Variants in ERBB4 observed in about 807,000 individuals in gnomAD.
ERBB4 encodes receptor tyrosine-protein kinase erbB-4.
ERBB4 carries 42 observed loss-of-function variants against 158.0 expected under a neutral mutation model. That is an observed-to-expected ratio of 0.27 (90% CI 0.21 to 0.34). The LOEUF is 0.34. Ranked by LOEUF, ERBB4 falls within the 10% of genes least tolerant of loss-of-function variation. The probability of loss-of-function intolerance (pLI) is 1.00; values close to 1 mark genes in which losing one functional copy is unlikely to be tolerated. For synonymous variants in ERBB4, 583 were observed against 558.7 expected (o/e 1.04, Z -0.61); for missense variants, 1,333 against 1,624.1 (o/e 0.82, Z 3.08).
At chr2:211,518,428 G>A (rs2066096639) in intron 20 of ERBB4, among the ~76,000 whole-genome samples, 1 of 152,036 alleles carries the variant, frequency 6.6e-6, no homozygotes, top group Non-Finnish European at 1.5e-5. Context: ...GGCCAAGGCG[G>A]GCAGATCACA....
intron 1 of ERBB4, among the ~76,000 whole-genome samples, chr2:212,260,179 T>G (rs1252497277): frequency 6.6e-6 from 1 of 152,074 alleles, no homozygotes; most frequent in Non-Finnish European, 1.5e-5. Flanking sequence ...AAAATAAAAT[T>G]TTTACTTGTT....
chr2:212,160,463 T>A (rs1432347633), intron 1 of ERBB4, among the ~76,000 whole-genome samples: 2 of 152,028 alleles, frequency 1.3e-5, no homozygotes, highest in Admixed American at 1.3e-4. Flanking sequence ...AAAACCTTTT[T>A]TTAAAATCTG....
chr2:211,935,355 A>G (rs1413373560), intron 3 of ERBB4, among the ~76,000 whole-genome samples: 1 of 152,168 alleles, frequency 6.6e-6, no homozygotes, highest in Admixed American at 6.5e-5. Flanking sequence ...TTAAGTAGGT[A>G]AGATATGCTC....
chr2:211,513,314 G>T (rs1462900045), intron 20 of ERBB4, among the ~76,000 whole-genome samples: 1 of 132,826 alleles, frequency 7.5e-6, no homozygotes, highest in Non-Finnish European at 1.5e-5. Context: ...TTGCGCCACT[G>T]CAGTCCGCAG....
chr2:211,917,606 C>T (rs2079733742), intron 3 of ERBB4, among the ~76,000 whole-genome samples: 1 of 152,142 alleles, frequency 6.6e-6, no homozygotes, highest in Admixed American at 6.6e-5. Context: ...TATACAGCCT[C>T]TTAACTATAA....
intron 1 of ERBB4, among the ~76,000 whole-genome samples, chr2:212,489,738 A>T (rs1690170958): frequency 6.6e-6 from 1 of 150,934 alleles, no homozygotes; most frequent in Non-Finnish European, 1.5e-5. Flanking sequence ...TATATATATT[A>T]TTCTATAGAA....
chr2:212,343,585 G>A (rs570432138), intron 1 of ERBB4, among the ~76,000 whole-genome samples: 229 of 152,218 alleles, frequency 1.5e-3, no homozygotes, highest in Non-Finnish European at 2.2e-3. Flanking sequence ...ACTTGAATAA[G>A]TAAAACACCT....
intron 1 of ERBB4, among the ~76,000 whole-genome samples, chr2:212,159,711 G>C (rs112098332): frequency 6.6e-6 from 1 of 151,742 alleles, no homozygotes; most frequent in African/African-American, 2.4e-5. Context: ...AGAAAGCAAG[G>C]CAACCAGTTT....
intron 2 of ERBB4, among the ~76,000 whole-genome samples, chr2:212,057,320 C>A (rs190908607): frequency 6.6e-6 from 1 of 152,240 alleles, no homozygotes; most frequent in East Asian, 1.9e-4. Flanking sequence ...GACTCCCACA[C>A]AATAATAATG....
At chr2:212,104,057 T>C (rs2079156760) in intron 2 of ERBB4, among the ~76,000 whole-genome samples, 1 of 152,062 alleles carries the variant, frequency 6.6e-6, no homozygotes. Flanking sequence ...GTGCTAGAAA[T>C]ACAACATGAG....
intron 25 of ERBB4, among the ~76,000 whole-genome samples, chr2:211,406,151 T>C (rs561604055): frequency 1.1e-4 from 17 of 152,228 alleles, no homozygotes; most frequent in Admixed American, 3.3e-4. Flanking sequence ...TTTGCTCAAA[T>C]GATCCCTTAA....
At chr2:212,425,482 T>C (rs1362489017) in intron 1 of ERBB4, among the ~76,000 whole-genome samples, 2 of 144,798 alleles carry the variant, frequency 1.4e-5, no homozygotes, top group African/African-American at 5.3e-5. Flanking sequence ...ATTGTATATT[T>C]CTCCAAAAAT....
intron 1 of ERBB4, among the ~76,000 whole-genome samples, chr2:212,445,594 T>A (rs1371222703): frequency 6.6e-6 from 1 of 152,070 alleles, no homozygotes. Flanking sequence ...TACTACTCCA[T>A]AATGGAGGTA....
At chr2:211,440,310 C>G (rs10206846) in intron 20 of ERBB4, among the ~76,000 whole-genome samples, 92,954 of 152,050 alleles carry the variant, frequency 0.61, 28,772 homozygotes, top group East Asian at 0.76. Context: ...TAAAGATGTG[C>G]TTTCCAATGA....
At chr2:212,168,184 T>C (rs574417089) in intron 1 of ERBB4, among the ~76,000 whole-genome samples, 3 of 152,302 alleles carry the variant, frequency 2.0e-5, no homozygotes, top group East Asian at 3.9e-4. Flanking sequence ...TAAACTGTTT[T>C]CTTTTTTATA....
At chr2:211,837,850 T>C (rs2077375784) in intron 3 of ERBB4, among the ~76,000 whole-genome samples, 1 of 152,108 alleles carries the variant, frequency 6.6e-6, no homozygotes, top group South Asian at 2.1e-4. Flanking sequence ...TAAAGACAGA[T>C]GGTGAGACAA....
At chr2:212,077,990 A>G (rs979303437) in intron 2 of ERBB4, among the ~76,000 whole-genome samples, 3 of 152,070 alleles carry the variant, frequency 2.0e-5, no homozygotes, top group Non-Finnish European at 4.4e-5. Flanking sequence ...TTCTTGACTA[A>G]GGCTAATATA....
intron 20 of ERBB4, among the ~76,000 whole-genome samples, chr2:211,528,259 A>C (rs1473740059): frequency 6.6e-6 from 1 of 152,048 alleles, no homozygotes; most frequent in Non-Finnish European, 1.5e-5. Context: ...AGAGAAGACA[A>C]AGCAGGTCAT....
chr2:212,373,609 C>T (rs1430974696), intron 1 of ERBB4, among the ~76,000 whole-genome samples: 1 of 150,258 alleles, frequency 6.7e-6, no homozygotes, highest in East Asian at 2.0e-4. Context: ...GAAAAGGATA[C>T]AAAATGGGAG....
Sources: allele counts gnomAD v4.1 joint callset (sites outside exome capture counted in the v4.1 genomes callset), GRCh38; gene constraint gnomAD v4.1.1; transcripts MANE v1.5; gene names NCBI Gene and HGNC (gene_info 2026-07-23, HGNC 2026-07-21).